The following FBXO32 variants were observed in gnomAD, a reference collection of about 807,000 sequenced individuals.
The protein encoded by FBXO32 is F-box only protein 32.
Under a neutral mutation model 48.3 loss-of-function variants are expected in FBXO32, and 15 were observed. That is an observed-to-expected ratio of 0.31 (90% CI 0.21 to 0.48). The LOEUF (loss-of-function observed/expected upper bound fraction) is 0.48. Among genes scored for constraint, FBXO32 ranks in the 20% least tolerant of loss-of-function variants. The pLI, the probability that FBXO32 is intolerant of heterozygous loss-of-function variation, is 0.99. For synonymous variants in FBXO32, 154 were observed against 165.9 expected, an observed-to-expected ratio of 0.93 and a Z score of 0.55; for missense variants, 309 against 432.7, an observed-to-expected ratio of 0.71 and a Z score of 2.54.
At chr8:123,538,419 G>A (rs77384114) in intron 1 of FBXO32, among the ~76,000 whole-genome samples, 2,950 of 152,184 alleles carry the variant, frequency 0.019, 99 homozygotes, top group African/African-American at 0.068. Flanking sequence ...GTCCCTCCCC[G>A]CTTAAGGGCC....
intron 7 of FBXO32, 37 bp from the exon 8 acceptor site, chr8:123,504,784 G>A (rs1456998084): frequency 5.6e-6 from 9 of 1,599,590 alleles, no homozygotes; most frequent in Non-Finnish European, 6.8e-6. Context: ...TGACAGGAGA[G>A]TTTGTCAAGA....
chr8:123,506,480 A>T lies in FBXO32; in HGVS notation c.746T>A (p.Leu249Gln). 1 of 1,614,110 alleles carries T rather than the reference A, an allele frequency of 6.2e-7. No homozygotes were observed. The highest frequency in any genetic ancestry group is 8.5e-7 in the Non-Finnish European group (1 of 1,180,000). ...GTGCAGGTCGGGGGCAGCCTGGCCCAGGCTGACCAGGTCCCGCCCGTCGCT... is the reference window on the plus strand; with the variant it reads ...GTGCAGGTCGGGGGCAGCCTGGCCCTGGCTGACCAGGTCCCGCCCGTCGCT... Reference protein sequence around the residue: ...RLSDGRDLVSLGQAAPDLHVL... With the variant: ...RLSDGRDLVSQGQAAPDLHVL... The change falls in exon 7 of 9, where the codon CTG becomes CAG. Residue 249 changes from leucine (L) to glutamine (Q), a missense_variant. Transcript: ENST00000517956. This position sits in a 1 kb window ranked among gnomAD's most constrained non-coding sequence, Gnocchi z 4.0.
At chr8:123,522,795 G>A (rs1458638106) in intron 4 of FBXO32, among the ~76,000 whole-genome samples, 1 of 152,118 alleles carries the variant, frequency 6.6e-6, no homozygotes, top group African/African-American at 2.4e-5. Context: ...CGTCCCTCAA[G>A]GAAGGAGAAT....
intron 4 of FBXO32, among the ~76,000 whole-genome samples, chr8:123,526,174 G>A (rs1049386258): frequency 6.6e-6 from 1 of 151,376 alleles, no homozygotes. Flanking sequence ...AGTGAGGCCT[G>A]ACCAAGATCA....
intron 4 of FBXO32, among the ~76,000 whole-genome samples, chr8:123,528,751 GTC>G (rs1180089915): frequency 1.3e-5 from 2 of 152,154 alleles, no homozygotes; most frequent in Non-Finnish European, 2.9e-5. Context: ...ACCTCTGCAT[GTC>G]TCTTTTTTGG....
chr8:123,522,205 C>CTTTTTTTTTTTTTTTTTTTTTTTTTT, intron 4 of FBXO32, among the ~76,000 whole-genome samples: 1 of 115,290 alleles, frequency 8.7e-6, no homozygotes. Flanking sequence ...ATCCTGGTTA[C>CTTTTTTTTTTTTTTTTTTTTTTTTTT]TTTTTTTTTT....
At chr8:123,532,619 T>C (rs574966511) in intron 3 of FBXO32, among the ~76,000 whole-genome samples, 2 of 152,346 alleles carry the variant, frequency 1.3e-5, no homozygotes, top group Admixed American at 1.3e-4. Flanking sequence ...GGGGACTAGA[T>C]GTTCACTGAG....
rs1164339137 is a variant in FBXO32, at chr8:123,525,170, G to GA, written c.372+6727dup. Among the ~76,000 whole-genome samples the GA allele has an allele frequency of 2.6e-5, 4 of 152,152 alleles. No individual in the cohort carries two copies. Among genetic ancestry groups the GA allele is most frequent in the Admixed American group, 2.0e-4 (3 of 15,280 alleles). On this transcript the variant is annotated intron_variant, in intron 4 of 8. Transcript: ENST00000517956. This position sits in a 1 kb window ranked among gnomAD's most constrained non-coding sequence, Gnocchi z 4.3. ...CAACTTAAACTAAAACATGTTTTTG[G>GA]AAAATGCTTTCAGGGGTGGTAGGAA... is the stretch of plus-strand genomic sequence containing the variant.
chr8:123,505,250 C>A (rs779105815), intron 7 of FBXO32, among the ~76,000 whole-genome samples: 1 of 152,152 alleles, frequency 6.6e-6, no homozygotes, highest in Non-Finnish European at 1.5e-5. Flanking sequence ...TGAAGGGAAA[C>A]AGGCTTGGAG....
At position 123,503,257 on chromosome 8, in the gene FBXO32, A is replaced by G; in HGVS notation, c.*116T>C. ...TGTCCTCTCCATGACTTATCTCTGAAGTTTCGAGCCAATGTTTAAAATGTA... is the reference window on the plus strand; with the variant it reads ...TGTCCTCTCCATGACTTATCTCTGAGGTTTCGAGCCAATGTTTAAAATGTA... On this transcript the variant is annotated 3_prime_UTR_variant, in exon 9 of 9. Coordinates refer to ENST00000517956, the MANE Select transcript of FBXO32 (RefSeq NM_058229.4). 1.3e-6 allele frequency: 1 copy of G among 772,204 alleles called. No individual in the cohort carries two copies. The allele number at this position is 772,204 out of a possible 1,614,324, so 47.8% of individuals were successfully genotyped here.
In FBXO32 at chr8:123,506,358, A is replaced by C. The variant is rs533691665; in HGVS notation, c.834+34T>G. ...AGTTTGGGGTGAGGGCCAGAGAAGG[A>C]GGGTGGGAGGAAAGCCCACTGGGCC... On this transcript the variant is annotated intron_variant, in intron 7 of 8. Transcript: ENST00000517956. This position sits in a 1 kb window ranked among gnomAD's most constrained non-coding sequence, Gnocchi z 4.0. 1 of 1,608,020 alleles carries C rather than the reference A, an allele frequency of 6.2e-7. No individual in the cohort carries two copies. Among genetic ancestry groups the C allele is most frequent in the South Asian group, 1.1e-5 (1 of 90,140 alleles).
Position 123,533,193 on chromosome 8 carries a change from C to A in FBXO32, c.277G>T (p.Glu93Ter). 6.2e-7 allele frequency: 1 copy of A among 1,611,898 alleles called. No homozygotes were observed. Among genetic ancestry groups the A allele is most frequent in the Non-Finnish European group, 8.5e-7 (1 of 1,178,056 alleles). ...WIYVHKGSTK[E>*]RHGYCTLGEA... ...TAGTAAATGAATGGGATGCTCACCT[C>A]TTTAGTACTTCCTTTGTGAACATAG... The change falls in exon 3 of 9, where the codon GAG becomes TAG. Residue 93 changes from glutamate to a stop codon, truncating the protein, a stop_gained and splice_region_variant. Coordinates refer to ENST00000517956, the MANE Select transcript of FBXO32 (RefSeq NM_058229.4). LOFTEE classifies it high-confidence loss of function.
rs2130485699 is a variant in FBXO32, at chr8:123,499,757, T to G, written c.*3616A>C. 6.6e-6 allele frequency: 1 copy of G among 152,320 alleles called. No homozygotes were observed. The highest frequency in any genetic ancestry group is 1.9e-4 in the East Asian group (1 of 5,188). The allele number at this position is 152,320 out of a possible 1,614,324, so 9.4% of individuals were successfully genotyped here. A position where few individuals can be genotyped will look rare whatever the true frequency, so the allele number is the denominator to read the frequency against. On this transcript the variant is annotated 3_prime_UTR_variant, in exon 9 of 9. Coordinates refer to ENST00000517956, the MANE Select transcript of FBXO32 (RefSeq NM_058229.4). ...AATTGAAATTCCAAGCTCTTTCTCT[T>G]CTCCCATATAAAAACAACAGAAACA...
chr8:123,523,688 G>A (rs1586997871), intron 4 of FBXO32, among the ~76,000 whole-genome samples: 1 of 152,074 alleles, frequency 6.6e-6, no homozygotes, highest in African/African-American at 2.4e-5. Flanking sequence ...TTTAGATCCT[G>A]AGTCATTAAG....
chr8:123,529,311 T>C (rs1437097514), intron 4 of FBXO32, among the ~76,000 whole-genome samples: 1 of 152,216 alleles, frequency 6.6e-6, no homozygotes, highest in Non-Finnish European at 1.5e-5. Flanking sequence ...CACCAATTAG[T>C]TTTTTAAAAG....
intron 4 of FBXO32, among the ~76,000 whole-genome samples, chr8:123,527,573 G>A (rs77373584): frequency 0.012 from 1,759 of 152,228 alleles, 9 homozygotes; most frequent in Middle Eastern, 0.02. Flanking sequence ...GACCTCAAAA[G>A]TTCCATTGCA....
chr8:123,512,642 G>A (rs959111243), intron 6 of FBXO32, among the ~76,000 whole-genome samples: 2 of 151,004 alleles, frequency 1.3e-5, no homozygotes, highest in African/African-American at 4.9e-5. Context: ...GCTATAGATC[G>A]CCAAACCTCA....
chr8:123,526,850 G>A (rs1273012685), intron 4 of FBXO32: 1 of 152,130 alleles, frequency 6.6e-6, no homozygotes, highest in African/African-American at 2.4e-5. Context: ...CTGTATGGCA[G>A]GGGGCAATAA....
At chr8:123,521,709 G>T (rs990106270) in intron 4 of FBXO32, among the ~76,000 whole-genome samples, 2 of 151,886 alleles carry the variant, frequency 1.3e-5, no homozygotes, top group Non-Finnish European at 2.9e-5. Context: ...TCCTTATCTC[G>T]TATAACAGTG....
Sources: allele counts gnomAD v4.1 joint callset (sites outside exome capture counted in the v4.1 genomes callset), GRCh38; gene constraint gnomAD v4.1.1; non-coding constraint Gnocchi (gnomAD v3.1); transcripts MANE v1.5; gene names NCBI Gene and HGNC (gene_info 2026-07-23, HGNC 2026-07-21).